Variants in SAMD11 observed in about 807,000 individuals in gnomAD.
The protein encoded by SAMD11 is sterile alpha motif domain containing 11.
Under a neutral mutation model 64.4 loss-of-function variants are expected in SAMD11, and 77 were observed. That is an observed-to-expected ratio of 1.20 (90% CI 0.99 to 1.44). SAMD11 has a LOEUF of 1.44. Ranked by LOEUF, SAMD11 falls within the 40% of genes most tolerant of loss-of-function variation. The pLI is 0.00. For missense variants in SAMD11, 1,402 were observed against 943.3 expected, an observed-to-expected ratio of 1.49 and a Z score of -6.37; for synonymous variants, 658 against 421.9, an observed-to-expected ratio of 1.56 and a Z score of -6.86.
intron 2 of SAMD11, among the ~76,000 whole-genome samples, chr1:928,416 G>A (rs1414384261): frequency 2.6e-5 from 4 of 152,230 alleles, no homozygotes; most frequent in African/African-American, 9.6e-5. Context: ...GAAGAGAGGT[G>A]GGAGAGGAGA....
rs529152760 is a variant in SAMD11, at chr1:944,325, G to C, written c.*172G>C. ...CAAATTTTCAAAGACTTGGGGGAGT[G>C]AAGGCAGAGCCTGGTGCAGATGGAC... On this transcript the variant is annotated 3_prime_UTR_variant, in exon 14 of 14. Coordinates refer to ENST00000616016, the MANE Select transcript of SAMD11 (RefSeq NM_001385641.1). 82 of 1,386,422 alleles carry C rather than the reference G, an allele frequency of 5.9e-5. 2 individuals are homozygous for C. The South Asian group carries it at 1.5e-3, about 25-fold the overall frequency. The allele number at this position is 1,386,422 out of a possible 1,614,324, so 85.9% of individuals were successfully genotyped here.
intron 1 of SAMD11, 159 bp downstream of exon 1, chr1:925,107 C>G (rs1640812383): frequency 6.6e-6 from 1 of 151,890 alleles, no homozygotes; most frequent in Non-Finnish European, 1.5e-5. Context: ...TCGGTGAACA[C>G]GGACAGATCG....
At chr1:940,812 A>G (rs746334539) in intron 7 of SAMD11, among the ~76,000 whole-genome samples, 6 of 151,410 alleles carry the variant, frequency 4.0e-5, no homozygotes, top group Non-Finnish European at 7.4e-5. Flanking sequence ...GCACTTCTGG[A>G]CTCTCTCGCT....
chr1:943,581 A>C (rs1641956453), intron 12 of SAMD11, 117 bp from the exon 13 acceptor site: 1 of 1,143,280 alleles, frequency 8.7e-7, no homozygotes, highest in Non-Finnish European at 1.2e-6. Context: ...CTCAAACCCA[A>C]CAGATCACTG....
chr1:942,888 C>T lies in SAMD11; in HGVS notation c.1883C>T (p.Pro628Leu), dbSNP rs1173034140. 1.3e-6 allele frequency: 2 copies of T among 1,555,338 alleles called. No homozygotes were observed. The highest frequency in any genetic ancestry group is 1.7e-6 in the Non-Finnish European group (2 of 1,149,570). ...LWAQDGSEDE[P>L]PKDSDGEDPE... is the part of the protein sequence containing the mutation. ...GCACAAGATGGCTCGGAAGACGAGCCCCCCAAAGACTCGGACGGAGAGGAC... is the reference window on the plus strand; with the variant it reads ...GCACAAGATGGCTCGGAAGACGAGCTCCCCAAAGACTCGGACGGAGAGGAC... Residue 628 changes from proline (P) to leucine (L), a missense_variant, in exon 11 of 14, where the codon CCC (proline) becomes CTC (leucine). Coordinates refer to ENST00000616016, the MANE Select transcript of SAMD11 (RefSeq NM_001385641.1).
Position 942,454 on chromosome 1 carries a change from CAGCAGG to C in SAMD11, c.1523_1528del (p.Gln508_Glu509del). The C allele has an allele frequency of 6.7e-7, 1 of 1,488,312 alleles. No individual in the cohort carries two copies. The highest frequency in any genetic ancestry group is 1.3e-5 in the South Asian group (1 of 78,968). 92.2% of individuals were successfully genotyped at this position (1,488,312 alleles called of 1,614,324 possible). A position where few individuals can be genotyped will look rare whatever the true frequency, so the allele number is the denominator to read the frequency against. On this transcript the variant is annotated inframe_deletion, in exon 10 of 14. Coordinates refer to ENST00000616016, the MANE Select transcript of SAMD11 (RefSeq NM_001385641.1). ...CGCGCAGGCGGAGATGTTCGCCTGG[CAGCAGG>C]AGCTCCTGCGGAAGCAGAACCTGGC...
chr1:925,938 G>C lies in SAMD11; in HGVS notation c.534G>C (p.Thr178=). 1 of 1,611,538 alleles carries C rather than the reference G, an allele frequency of 6.2e-7. No homozygotes were observed. The highest frequency in any genetic ancestry group is 8.5e-7 in the Non-Finnish European group (1 of 1,179,744). Reference sequence around the variant, plus strand: ...TGCTCGCAGGGAAAAGTCTGAAGACGCTTATGTCCAAGGGGATCCTGCAGG... The same window carrying C: ...TGCTCGCAGGGAAAAGTCTGAAGACCCTTATGTCCAAGGGGATCCTGCAGG... ...SIRHKGKSLK[T]LMSKGILQVH... The change falls in exon 2 of 14, where the codon ACG becomes ACC. Residue 178 remains threonine (T), a synonymous_variant. Coordinates refer to ENST00000616016, the MANE Select transcript of SAMD11 (RefSeq NM_001385641.1).
At chr1:943,186 G>T in intron 11 of SAMD11, 67 bp from the exon 12 acceptor site, 12 of 1,606,762 alleles carry the variant, frequency 7.5e-6, no homozygotes, top group Non-Finnish European at 9.3e-6. Context: ...TGGGGCACAC[G>T]ACGGTCAGGA....
chr1:936,667 G>A (rs1007835882), intron 5 of SAMD11, among the ~76,000 whole-genome samples: 3 of 152,070 alleles, frequency 2.0e-5, no homozygotes, highest in Non-Finnish European at 2.9e-5. Context: ...AGCAGGGCCT[G>A]CATCTCTTGG....
chr1:931,179 C>T, intron 4 of SAMD11, 90 bp downstream of exon 4: 1 of 1,120,744 alleles, frequency 8.9e-7, no homozygotes, highest in South Asian at 1.3e-5. Flanking sequence ...CTGCTGTCCG[C>T]TGTCTCAGCG....
intron 11 of SAMD11, 79 bp downstream of exon 11, chr1:943,137 A>G (rs1569919099): frequency 6.4e-7 from 1 of 1,551,174 alleles, no homozygotes; most frequent in Non-Finnish European, 8.6e-7. Context: ...TGGGGGGAGG[A>G]AAAATTCCCC....
chr1:944,343 A>T lies in SAMD11; in HGVS notation c.*190A>T, dbSNP rs1642018391. ...GGGGAGTGAAGGCAGAGCCTGGTGCAGATGGACGAGGTCTGCAGACGGAGG... is the reference window on the plus strand; with the variant it reads ...GGGGAGTGAAGGCAGAGCCTGGTGCTGATGGACGAGGTCTGCAGACGGAGG... On this transcript the variant is annotated 3_prime_UTR_variant, in exon 14 of 14. Transcript: ENST00000616016. 1 of 1,374,920 alleles carries T rather than the reference A, an allele frequency of 7.3e-7. No homozygotes were observed. The highest frequency in any genetic ancestry group is 9.3e-7 in the Non-Finnish European group (1 of 1,071,826). 85.2% of individuals were successfully genotyped at this position (1,374,920 alleles called of 1,614,324 possible).
chr1:942,486 C>T lies in SAMD11; in HGVS notation c.1551C>T (p.Ala517=), dbSNP rs1401672108. The T allele has an allele frequency of 2.0e-6, 3 of 1,481,884 alleles. No homozygotes were observed. Among genetic ancestry groups the T allele is most frequent in the Admixed American group, 2.3e-5 (1 of 44,444 alleles). The allele number at this position is 1,481,884 out of a possible 1,614,324, so 91.8% of individuals were successfully genotyped here. ...QQELLRKQNL[A]RLELPADLLR... ...AGCTCCTGCGGAAGCAGAACCTGGC[C>T]CGGTAGGTGCGGGGAGGCGGGCGGG... Residue 517 remains alanine, a splice_region_variant and synonymous_variant, in exon 10 of 14, where the codon GCC becomes GCT. Transcript: ENST00000616016.
chr1:926,873 G>A (rs571845921), intron 2 of SAMD11, among the ~76,000 whole-genome samples: 1 of 152,284 alleles, frequency 6.6e-6, no homozygotes, highest in African/African-American at 2.4e-5. Flanking sequence ...CTTCTTCCAG[G>A]AAAGGGTAGG....
intron 12 of SAMD11, 124 bp downstream of exon 12, chr1:943,501 G>A: frequency 1.0e-6 from 1 of 994,970 alleles, no homozygotes; most frequent in Non-Finnish European, 1.5e-6. Flanking sequence ...GCAGTGCGCA[G>A]CAGGGACTGG....
intron 12 of SAMD11, 121 bp downstream of exon 12, chr1:943,498 G>A (rs1039106608): frequency 2.3e-5 from 23 of 1,021,698 alleles, no homozygotes; most frequent in African/African-American, 1.8e-4. Context: ...AAAGCAGTGC[G>A]CAGCAGGGAC....
At position 944,248 on chromosome 1, in the gene SAMD11, C is replaced by G. The variant is rs541429037; in HGVS notation, c.*95C>G. 1 of 1,447,718 alleles carries G rather than the reference C, an allele frequency of 6.9e-7. No homozygotes were observed. The highest frequency in any genetic ancestry group is 9.1e-7 in the Non-Finnish European group (1 of 1,100,838). The allele number at this position is 1,447,718 out of a possible 1,614,324, so 89.7% of individuals were successfully genotyped here. On this transcript the variant is annotated 3_prime_UTR_variant, in exon 14 of 14. Coordinates refer to ENST00000616016, the MANE Select transcript of SAMD11 (RefSeq NM_001385641.1). Reference sequence around the variant, plus strand: ...CCCACCGCTTTATTTCTTTCGGTTTCGGATGCAAAACAAAAAATTTTAAAA... The same window carrying G: ...CCCACCGCTTTATTTCTTTCGGTTTGGGATGCAAAACAAAAAATTTTAAAA...
At chr1:925,443 C>A (rs1161538477) in intron 1 of SAMD11, among the ~76,000 whole-genome samples, 1 of 151,726 alleles carries the variant, frequency 6.6e-6, no homozygotes, top group Non-Finnish European at 1.5e-5. Context: ...AAGGGTGCGA[C>A]GCGGGGGCGC....
chr1:928,348 T>C (rs962232593), intron 2 of SAMD11, among the ~76,000 whole-genome samples: 31 of 152,328 alleles, frequency 2.0e-4, no homozygotes, highest in Admixed American at 8.5e-4. Context: ...GCCCAGATTG[T>C]GCCACCGCAC....
Sources: gnomAD v4.1 joint callset for allele counts (sites outside exome capture counted in the v4.1 genomes callset) on GRCh38, gnomAD v4.1.1 for gene constraint, MANE v1.5 for transcripts, NCBI Gene and HGNC (gene_info 2026-07-23, HGNC 2026-07-21) for gene names.